HAX1: variants seen among roughly 807,000 people sequenced by gnomAD.
The protein encoded by HAX1 is HCLS1-associated protein X-1.
A neutral mutation model predicts 31.1 loss-of-function variants in HAX1; 27 were observed. The ratio of observed to expected loss-of-function variants is 0.87; its 90% CI spans 0.64 to 1.20. The LOEUF is 1.20. Among genes scored for constraint, HAX1 ranks in the 50% most tolerant of loss-of-function variants. The pLI, the probability that HAX1 is intolerant of heterozygous loss-of-function variation, is 0.00. For synonymous variants in HAX1, 114 were observed against 124.1 expected, an observed-to-expected ratio of 0.92 and a Z score of 0.54; for missense variants, 357 against 361.6, an observed-to-expected ratio of 0.99 and a Z score of 0.10.
Position 154,274,952 on chromosome 1 carries a change from T to G in HAX1, c.507T>G (p.Phe169Leu). Residue 169 changes from phenylalanine (F) to leucine (L), a missense_variant and splice_region_variant, in exon 4 of 7, where the codon TTT (phenylalanine) becomes TTG (leucine). Physicochemically the swap from Phe to Leu is conservative, Grantham distance 22. Transcript: ENST00000328703. ...ACTTACTATGGTTTCTTCTGCAGTT[T>G]GATGATGTATGGCCTATGGACCCCC... ...DWGSQRPFHR[F>L]DDVWPMDPHP... 3 of 1,609,138 alleles carry G rather than the reference T, an allele frequency of 1.9e-6. No homozygotes were observed. Among genetic ancestry groups the G allele is most frequent in the Non-Finnish European group, 2.6e-6 (3 of 1,175,424 alleles).
At position 154,275,182 on chromosome 1, in the gene HAX1, T is replaced by G. The variant is rs1425785532; in HGVS notation, c.585T>G (p.Gly195=). The change falls in exon 5 of 7, where the codon GGT becomes GGG. Residue 195 remains glycine, a synonymous_variant. Transcript: ENST00000328703. ...TTGATTCCCAGGTTTCCCAGGAGGGTCTTGGCCCGGTTCTACAGCCCCAGC... is the reference window on the plus strand; with the variant it reads ...TTGATTCCCAGGTTTCCCAGGAGGGGCTTGGCCCGGTTCTACAGCCCCAGC... ...NDLDSQVSQE[G]LGPVLQPQPK... is the part of the protein sequence containing the mutation. 1 of 1,613,020 alleles carries G rather than the reference T, an allele frequency of 6.2e-7. No individual in the cohort carries two copies. The highest frequency in any genetic ancestry group is 8.5e-7 in the Non-Finnish European group (1 of 1,179,022).
In HAX1 at chr1:154,275,380, C is replaced by T. The variant is rs1421130605; in HGVS notation, c.664-13C>T. On this transcript the variant is annotated splice_polypyrimidine_tract_variant and intron_variant, in intron 5 of 6. Coordinates refer to ENST00000328703, the MANE Select transcript of HAX1 (RefSeq NM_006118.4). ...AGTAACATTCGGAATATGGTGGGGA[C>T]TTCTCTTTGTAGATAGTGGAGGAGC... The T allele has an allele frequency of 2.5e-6, 4 of 1,611,588 alleles. No homozygotes were observed. Among genetic ancestry groups the T allele is most frequent in the Non-Finnish European group, 3.4e-6 (4 of 1,177,786 alleles).
At chr1:154,273,169 A>C in intron 1 of HAX1, 167 bp from the exon 2 acceptor site, 2 of 700,938 alleles carry the variant, frequency 2.9e-6, no homozygotes, top group Non-Finnish European at 4.7e-6. Flanking sequence ...AAAAAAAAAA[A>C]AAGAACTGTC....
Position 154,273,546 on chromosome 1 carries a change from C to T in HAX1, c.264C>T (p.Phe88=). The T allele has an allele frequency of 6.2e-7, 1 of 1,614,166 alleles. No homozygotes were observed. Among genetic ancestry groups the T allele is most frequent in the East Asian group, 2.2e-5 (1 of 44,888 alleles). ...GCTTTGATGACCTAGTACGAGATTT[C>T]AATAGCATCTTCAGCGATATGGGGG... The part of the protein sequence containing the change: ...NFGFDDLVRD[F]NSIFSDMGAW... Residue 88 remains phenylalanine (F), a synonymous_variant, in exon 2 of 7, where the codon TTC becomes TTT. Transcript: ENST00000328703.
At chr1:154,272,858 C>T (rs1684822481) in intron 1 of HAX1, 82 bp downstream of exon 1, 19 of 1,221,962 alleles carry the variant, frequency 1.6e-5, no homozygotes, top group East Asian at 4.7e-5. Context: ...GGAAAAACAT[C>T]CTCTGTCCCA....
intron 3 of HAX1, 43 bp downstream of exon 3, chr1:154,274,004 C>A (rs774570355): frequency 6.4e-7 from 1 of 1,554,650 alleles, no homozygotes; most frequent in South Asian, 1.1e-5. Context: ...TTGTGAGAGA[C>A]CACTAATAAA....
intron 1 of HAX1, chr1:154,273,103 G>A: frequency 3.3e-6 from 2 of 600,156 alleles, no homozygotes; most frequent in Non-Finnish European, 5.8e-6. Context: ...AAGAAAAACT[G>A]GGGGAAGGTG....
chr1:154,273,090 CTG>C (rs1266669964), intron 1 of HAX1: 2 of 590,434 alleles, frequency 3.4e-6, no homozygotes, highest in African/African-American at 3.9e-5. Flanking sequence ...CTGGGGCACA[CTG>C]AAGAAAAACT....
At chr1:154,275,115 C>A in intron 4 of HAX1, 39 bp from the exon 5 acceptor site, 2 of 1,493,060 alleles carry the variant, frequency 1.3e-6, no homozygotes, top group Non-Finnish European at 1.9e-6. Context: ...TTCCTTTGGA[C>A]TCTTTCTCTC....
rs367673863 is a variant in HAX1, at chr1:154,273,796, G to C, written c.339G>C (p.Glu113Asp). ...HPPELPGPES[E>D]TPGERLREGQ... ...CAGAACTTCCAGGTCCTGAGTCAGAGACACCTGGTGAGAGACTACGGGAGG... is the reference window on the plus strand; with the variant it reads ...CAGAACTTCCAGGTCCTGAGTCAGACACACCTGGTGAGAGACTACGGGAGG... Residue 113 changes from glutamate (E) to aspartate (D), a missense_variant, in exon 3 of 7, where the codon GAG (glutamate) becomes GAC (aspartate). Glu to Asp is a conservative substitution (Grantham distance 45). Transcript: ENST00000328703. The C allele has an allele frequency of 6.2e-6, 10 of 1,614,048 alleles. No homozygotes were observed. The African/African-American group carries it at 1.1e-4, about 17-fold the overall frequency.
chr1:154,274,378 G>C (rs950065777), intron 3 of HAX1, among the ~76,000 whole-genome samples: 1 of 152,120 alleles, frequency 6.6e-6, no homozygotes, highest in African/African-American at 2.4e-5. Flanking sequence ...CTCCTGAGTA[G>C]CTGGGATTAC....
chr1:154,274,104 T>A (rs1261658541), intron 3 of HAX1, 143 bp downstream of exon 3: 6 of 740,332 alleles, frequency 8.1e-6, no homozygotes, highest in African/African-American at 6.9e-5. Flanking sequence ...GGTCAGGAGT[T>A]GGAGACCAGC....
rs1394819788 is a variant in HAX1 at position 154,272,669 on chromosome 1, C to T, written c.-55C>T. 5 of 1,573,724 alleles carry T rather than the reference C, an allele frequency of 3.2e-6. No individual in the cohort carries two copies. Among genetic ancestry groups the T allele is most frequent in the South Asian group, 1.1e-5 (1 of 89,882 alleles). On this transcript the variant is annotated 5_prime_UTR_variant, in exon 1 of 7. Coordinates refer to ENST00000328703, the MANE Select transcript of HAX1 (RefSeq NM_006118.4). ...TTCTCACAGGGCTGCGCAGGTTTCC[C>T]CCGTCTGCGAATGGACCACTGGAGG...
intron 1 of HAX1, 25 bp from the exon 2 acceptor site, chr1:154,273,311 G>A (rs760463845): frequency 1.9e-6 from 3 of 1,613,586 alleles, no homozygotes; most frequent in Admixed American, 3.3e-5. Flanking sequence ...TGAAATATTG[G>A]TGGCCAATCT....
At chr1:154,273,115 A>G in intron 1 of HAX1, 1 of 575,884 alleles carries the variant, frequency 1.7e-6, no homozygotes, top group East Asian at 3.0e-5. Context: ...GGGAAGGTGT[A>G]TGAAGGGAGC....
rs772344969 is a variant in HAX1, at chr1:154,272,720, G to C, written c.-4G>C. 1 of 1,614,176 alleles carries C rather than the reference G, an allele frequency of 6.2e-7. No individual in the cohort carries two copies. The highest frequency in any genetic ancestry group is 8.5e-7 in the Non-Finnish European group (1 of 1,180,020). ...GGTTCAAAGGTTCGCGTCCCAGTAC[G>C]GGAATGAGCCTCTTTGATCTCTTCC... On this transcript the variant is annotated 5_prime_UTR_variant, in exon 1 of 7. Coordinates refer to ENST00000328703, the MANE Select transcript of HAX1 (RefSeq NM_006118.4).
chr1:154,275,564 C>T (rs2149140801), intron 6 of HAX1, 52 bp from the exon 7 acceptor site: 6 of 1,575,272 alleles, frequency 3.8e-6, no homozygotes, highest in East Asian at 2.2e-5. Context: ...TCCTTTGCTT[C>T]TGCCTAGTCT....
intron 1 of HAX1, 169 bp from the exon 2 acceptor site, chr1:154,273,167 A>G: frequency 1.5e-6 from 1 of 687,540 alleles, no homozygotes; most frequent in East Asian, 2.7e-5. Flanking sequence ...AAAAAAAAAA[A>G]AAAAGAACTG....
At position 154,273,472 on chromosome 1, in the gene HAX1, GGCTTCA is replaced by G; in HGVS notation, c.199_204del (p.Phe67_Ser68del). 1 of 1,614,104 alleles carries G rather than the reference GGCTTCA, an allele frequency of 6.2e-7. No individual in the cohort carries two copies. Among genetic ancestry groups the G allele is most frequent in the Admixed American group, 1.7e-5 (1 of 60,018 alleles). ...GCACCCCCCTGAGGAATTTGGCTTCGGCTTCAGCTTCAGCCCAGGAGGAGGGATACG... is the reference window on the plus strand; with the variant it reads ...GCACCCCCCTGAGGAATTTGGCTTCGGCTTCAGCCCAGGAGGAGGGATACG... On this transcript the variant is annotated inframe_deletion, in exon 2 of 7. Transcript: ENST00000328703.
Sources: allele counts gnomAD v4.1 joint callset (sites outside exome capture counted in the v4.1 genomes callset), GRCh38; gene constraint gnomAD v4.1.1; transcripts MANE v1.5; gene names NCBI Gene and HGNC (gene_info 2026-07-23, HGNC 2026-07-21).